The following TAF15 variants were observed in gnomAD, a reference collection of about 807,000 sequenced individuals.
TAF15 encodes TATA-box binding protein associated factor 15, also known as TATA-binding protein-associated factor 2N.
In TAF15, 37 loss-of-function variants were observed where a neutral mutation model predicts 102.5. That is an observed-to-expected ratio of 0.36 (90% confidence interval 0.28 to 0.47). TAF15 has a LOEUF of 0.47. Among genes scored for constraint, TAF15 ranks in the 20% least tolerant of loss-of-function variants. The probability of loss-of-function intolerance (pLI) is 0.99; values close to 1 mark genes in which losing one functional copy is unlikely to be tolerated. For missense variants in TAF15, 652 were observed against 760.7 expected, an observed-to-expected ratio of 0.86 and a Z score of 1.68; for synonymous variants, 273 against 259.2, an observed-to-expected ratio of 1.05 and a Z score of -0.51.
intron 11 of TAF15, among the ~76,000 whole-genome samples, chr17:35,838,955 C>T (rs182035972): frequency 1.3e-5 from 2 of 152,188 alleles, no homozygotes; most frequent in Middle Eastern, 3.4e-3. Flanking sequence ...AGTGATTTCT[C>T]ATCCCCTGAC....
At chr17:35,839,527 G>T (rs886349409) in intron 11 of TAF15, among the ~76,000 whole-genome samples, 1 of 151,380 alleles carries the variant, frequency 6.6e-6, no homozygotes, top group Non-Finnish European at 1.5e-5. Flanking sequence ...GACTACAGGC[G>T]CCCGCCACCA....
intron 1 of TAF15, among the ~76,000 whole-genome samples, chr17:35,813,117 C>CA (rs55754009): frequency 0.11 from 6,141 of 57,964 alleles, 489 homozygotes; most frequent in African/African-American, 0.16. Context: ...GACTCTGTCT[C>CA]AAAAAAAAAA....
At chr17:35,839,114 A>ATT (rs568217659) in intron 11 of TAF15, among the ~76,000 whole-genome samples, 60 of 144,592 alleles carry the variant, frequency 4.1e-4, no homozygotes, top group African/African-American at 1.3e-3. Context: ...CAAAAAAAAA[A>ATT]TTTTTTTTTT....
At chr17:35,822,197 C>A (rs1335608420) in intron 5 of TAF15, among the ~76,000 whole-genome samples, 2 of 151,886 alleles carry the variant, frequency 1.3e-5, no homozygotes, top group Non-Finnish European at 2.9e-5. Flanking sequence ...CAAAATTAGC[C>A]AGGCGTGGTG....
chr17:35,829,803 G>A (rs183461936), intron 7 of TAF15, among the ~76,000 whole-genome samples: 7 of 152,024 alleles, frequency 4.6e-5, no homozygotes, highest in Non-Finnish European at 7.4e-5. Flanking sequence ...TGGGCTGCTC[G>A]TTGTGGTTTT....
At chr17:35,822,424 A>T (rs1011367834) in intron 5 of TAF15, among the ~76,000 whole-genome samples, 2 of 151,680 alleles carry the variant, frequency 1.3e-5, no homozygotes, top group South Asian at 2.1e-4. Flanking sequence ...TCAAAGATAC[A>T]TTTTTTTTCA....
In TAF15 at chr17:35,820,166, C is replaced by T; in HGVS notation, c.102C>T (p.Ser34=). The T allele has an allele frequency of 6.2e-7, 1 of 1,614,060 alleles. No homozygotes were observed. The highest frequency in any genetic ancestry group is 8.5e-7 in the Non-Finnish European group (1 of 1,179,952). Residue 34 remains serine (S), a splice_region_variant and synonymous_variant, in exon 4 of 16, where the codon AGC becomes AGT. Coordinates refer to ENST00000605844, the MANE Select transcript of TAF15 (RefSeq NM_139215.3). The part of the protein sequence containing the change: ...GSQGYGQASQ[S]YSGYGQTTDS... ...TTGAGTATTTACCTAAATTTCAGAG[C>T]TATTCTGGCTATGGGCAAACGACTG...
intron 12 of TAF15, among the ~76,000 whole-genome samples, chr17:35,843,758 GA>G (rs1361312654): frequency 6.6e-6 from 1 of 152,182 alleles, no homozygotes; most frequent in Non-Finnish European, 1.5e-5. Flanking sequence ...TTCAAAATCT[GA>G]AAAATCCAAA....
intron 7 of TAF15, 42 bp from the exon 8 acceptor site, chr17:35,833,865 A>G: frequency 1.9e-6 from 3 of 1,611,418 alleles, no homozygotes; most frequent in Non-Finnish European, 2.5e-6. Flanking sequence ...AGCACATTAG[A>G]GACTTAAGGA....
At chr17:35,811,291 A>T (rs2087121476) in intron 1 of TAF15, 1 of 152,232 alleles carries the variant, frequency 6.6e-6, no homozygotes. Context: ...AGCTGGCTTA[A>T]TCATTAGTAT....
chr17:35,845,329 A>G (rs1311871680), intron 15 of TAF15, among the ~76,000 whole-genome samples: 1 of 152,090 alleles, frequency 6.6e-6, no homozygotes, highest in Admixed American at 6.6e-5. Flanking sequence ...ATCATAGTTC[A>G]TTGTAACCTC....
intron 1 of TAF15, among the ~76,000 whole-genome samples, chr17:35,813,042 G>C (rs1489492023): frequency 1.3e-5 from 2 of 150,300 alleles, no homozygotes; most frequent in Non-Finnish European, 3.0e-5. Flanking sequence ...CACCAGAATT[G>C]GTTGAAGCTA....
intron 7 of TAF15, among the ~76,000 whole-genome samples, chr17:35,831,168 C>T (rs187180565): frequency 2.0e-5 from 3 of 152,074 alleles, no homozygotes; most frequent in Admixed American, 6.6e-5. Flanking sequence ...TTTGGGAGGC[C>T]GAGACGGGCG....
chr17:35,817,564 AATTTCTTGTTTC>A, intron 1 of TAF15, 140 bp from the exon 2 acceptor site: 1 of 691,460 alleles, frequency 1.4e-6, no homozygotes, highest in African/African-American at 1.8e-5. Flanking sequence ...TATTTGTACA[AATTTCTTGTTTC>A]ATAGTATTTA....
At chr17:35,827,188 T>C (rs560662968) in intron 7 of TAF15, among the ~76,000 whole-genome samples, 12 of 151,900 alleles carry the variant, frequency 7.9e-5, no homozygotes, top group South Asian at 2.1e-4. Flanking sequence ...ACAAAAAAAT[T>C]AGCCGGGTGT....
chr17:35,834,745 T>TC lies in TAF15; in HGVS notation c.673+147_673+148insC. On this transcript the variant is annotated intron_variant, in intron 9 of 15. Transcript: ENST00000605844. Reference sequence around the variant, plus strand: ...AGAACTGGGGAGCTTTATTTCTTTTTTTTTTTTTTTTTTTTTTGAGATGGA... The same window carrying TC: ...AGAACTGGGGAGCTTTATTTCTTTTTCTTTTTTTTTTTTTTTTTGAGATGGA... 3 of 616,540 alleles carry TC rather than the reference T, an allele frequency of 4.9e-6. No homozygotes were observed. In the South Asian group the frequency reaches 6.8e-5, roughly 14 times the overall value. The allele number at this position is 616,540 out of a possible 1,614,324, so 38.2% of individuals were successfully genotyped here. A position where few individuals can be genotyped will look rare whatever the true frequency, so the allele number is the denominator to read the frequency against.
chr17:35,824,202 A>T lies in TAF15; in HGVS notation c.605+4A>T. The T allele has an allele frequency of 6.2e-7, 1 of 1,613,328 alleles. No homozygotes were observed. On this transcript the variant is annotated splice_donor_region_variant and intron_variant, in intron 7 of 15. Transcript: ENST00000605844. ...GAGGTCCTATGACAGGATCAAGGTA[A>T]GTATGTAGATAAAGATGCGTACATT...
intron 10 of TAF15, among the ~76,000 whole-genome samples, chr17:35,837,699 C>T (rs1160474284): frequency 1.3e-5 from 2 of 151,086 alleles, no homozygotes; most frequent in East Asian, 2.0e-4. Flanking sequence ...TGGTGGCATG[C>T]GCCTGTAGTC....
Position 35,844,690 on chromosome 17 carries a change from G to T in TAF15, c.1391G>T (p.Gly464Val), listed in dbSNP as rs546855616. 1.8e-5 allele frequency: 29 copies of T among 1,602,634 alleles called. No individual in the cohort carries two copies. In the African/African-American group the frequency reaches 3.5e-4, roughly 19 times the overall value. ...GGTGGGGACAGAGGCGGCGGCTATG[G>T]TGGGGACAGAGGAGGCGGCTATGGA... The part of the protein sequence containing the change: ...GYGGDRGGGY[G>V]GDRGGGYGGD... Residue 464 changes from glycine to valine, a missense_variant, in exon 15 of 16, where the codon GGT becomes GTT. Physicochemically the swap from Gly to Val is moderately radical, Grantham distance 109. Around this residue, in one of 3 missense-constraint regions of TAF15, gnomAD observed 368 missense variants for 367.5 expected, o/e 1.00. Coordinates refer to ENST00000605844, the MANE Select transcript of TAF15 (RefSeq NM_139215.3).
Sources: allele counts gnomAD v4.1 joint callset (sites outside exome capture counted in the v4.1 genomes callset), GRCh38; gene constraint gnomAD v4.1.1; regional missense constraint gnomAD v4.1.1; transcripts MANE v1.5; gene names NCBI Gene and HGNC (gene_info 2026-07-23, HGNC 2026-07-21).